Variants in SH2D3A observed in about 807,000 individuals in gnomAD.
The protein encoded by SH2D3A is SH2 domain containing 3A, also known as SH2 domain-containing protein 3A.
In SH2D3A, 46 loss-of-function variants were observed where a neutral mutation model predicts 50.6. The ratio of observed to expected loss-of-function variants is 0.91; its 90% confidence interval spans 0.72 to 1.16. The LOEUF is 1.16. Among genes scored for constraint, SH2D3A ranks in the 50% most tolerant of loss-of-function variants. SH2D3A has a pLI of 0.00. For missense variants in SH2D3A, 783 were observed against 786.2 expected (o/e 1.00, Z 0.05); for synonymous variants, 377 against 348.4 (o/e 1.08, Z -0.91).
chr19:6,761,254 G>T, intron 2 of SH2D3A: 2 of 447,540 alleles, frequency 4.5e-6, no homozygotes, highest in South Asian at 6.2e-5. Flanking sequence ...AGGGCTATGG[G>T]AAATATCCAG....
rs746412569 is a variant in SH2D3A, at chr19:6,754,656, G to A, written c.1057C>T (p.Leu353Phe). ...AACCTCAAGTGGTGTCCATGGGGAA[G>A]AGTGAGCAGCTCCAGGCCAGATGAG... ...GVSSGLELLT[L>F]PHGHHLRLEL... The change falls in exon 6 of 10, where the codon CTT becomes TTT. Residue 353 changes from leucine (L) to phenylalanine (F), a missense_variant. Leu to Phe is a conservative substitution (Grantham distance 22). Coordinates refer to ENST00000245908, the MANE Select transcript of SH2D3A (RefSeq NM_005490.3). 1.2e-6 allele frequency: 2 copies of A among 1,614,126 alleles called. No homozygotes were observed. Among genetic ancestry groups the A allele is most frequent in the African/African-American group, 1.3e-5 (1 of 74,942 alleles).
At chr19:6,755,941 T>A (rs1341017647) in intron 4 of SH2D3A, among the ~76,000 whole-genome samples, 1 of 151,192 alleles carries the variant, frequency 6.6e-6, no homozygotes, top group Admixed American at 6.6e-5. Flanking sequence ...TAGCTGGGCA[T>A]GGTGGCATGC....
chr19:6,754,046 A>T lies in SH2D3A; in HGVS notation c.1384+6T>A. Reference sequence around the variant, plus strand: ...AGGGGATGCTAAGCCCCAGACCTTCACTTACCAGCGCCCTCATCCAGAGCC... The same window carrying T: ...AGGGGATGCTAAGCCCCAGACCTTCTCTTACCAGCGCCCTCATCCAGAGCC... On this transcript the variant is annotated splice_donor_region_variant and intron_variant, in intron 8 of 9. Coordinates refer to ENST00000245908, the MANE Select transcript of SH2D3A (RefSeq NM_005490.3). The T allele has an allele frequency of 6.3e-7, 1 of 1,594,286 alleles. No individual in the cohort carries two copies. Among genetic ancestry groups the T allele is most frequent in the Non-Finnish European group, 8.6e-7 (1 of 1,169,334 alleles).
At position 6,755,254 on chromosome 19, in the gene SH2D3A, C is replaced by T. The variant is rs778860350; in HGVS notation, c.558G>A (p.Lys186=). The change falls in exon 5 of 10, where the codon AAG becomes AAA. Residue 186 remains lysine (K), a synonymous_variant. Transcript: ENST00000245908. The part of the protein sequence containing the change: ...PRTSSDPVLL[K]APAPLGTVAD... The stretch of plus-strand genomic sequence containing the variant: ...CAACAGTTCCCAGGGGAGCAGGGGC[C>T]TTCAGCAACACCGGGTCACTGCTCG... The T allele has an allele frequency of 1.3e-6, 2 of 1,529,344 alleles. No individual in the cohort carries two copies. Among genetic ancestry groups the T allele is most frequent in the South Asian group, 1.3e-5 (1 of 77,820 alleles). The allele number at this position is 1,529,344 out of a possible 1,614,324, so 94.7% of individuals were successfully genotyped here. A position where few individuals can be genotyped will look rare whatever the true frequency, so the allele number is the denominator to read the frequency against.
intron 3 of SH2D3A, among the ~76,000 whole-genome samples, chr19:6,760,179 A>G (rs1256954823): frequency 6.6e-6 from 1 of 152,128 alleles, no homozygotes; most frequent in African/African-American, 2.4e-5. Flanking sequence ...GTTTGAGACC[A>G]GCCTGGCCAA....
intron 4 of SH2D3A, among the ~76,000 whole-genome samples, chr19:6,755,985 G>A (rs1969644633): frequency 6.6e-6 from 1 of 150,868 alleles, no homozygotes; most frequent in South Asian, 2.1e-4. Flanking sequence ...AGGCAGAGGT[G>A]GGAGGATCAC....
intron 2 of SH2D3A, chr19:6,761,245 G>A: frequency 2.1e-6 from 1 of 475,956 alleles, no homozygotes; most frequent in Non-Finnish European, 3.8e-6. Flanking sequence ...TGGGGTAGAA[G>A]GGCTATGGGA....
intron 2 of SH2D3A, among the ~76,000 whole-genome samples, chr19:6,761,909 A>G (rs1170336691): frequency 6.7e-6 from 1 of 149,634 alleles, no homozygotes; most frequent in African/African-American, 2.5e-5. Context: ...AGATGGAGCC[A>G]TTGCACTCCA....
rs546908273 is a variant in SH2D3A, at chr19:6,752,269, G to C, written c.*324C>G. On this transcript the variant is annotated 3_prime_UTR_variant, in exon 10 of 10. Transcript: ENST00000245908. ...TGGCCTCAAGCCTTCCTTCCGCCTC[G>C]GCCTCCCAAAGTGCTGAGATTACAG... 3 of 262,518 alleles carry C rather than the reference G, an allele frequency of 1.1e-5. No individual in the cohort carries two copies. The highest frequency in any genetic ancestry group is 5.4e-5 in the Admixed American group (1 of 18,554). The allele number at this position is 262,518 out of a possible 1,614,324, so 16.3% of individuals were successfully genotyped here.
chr19:6,754,555 A>T, intron 6 of SH2D3A, 61 bp downstream of exon 6: 1 of 1,607,082 alleles, frequency 6.2e-7, no homozygotes, highest in Non-Finnish European at 8.5e-7. Context: ...AGCTGTTTGG[A>T]GATCTTGGGA....
chr19:6,754,663 C>G lies in SH2D3A; in HGVS notation c.1050G>C (p.Leu350=), dbSNP rs1234231992. ...GNMGVSSGLE[L]LTLPHGHHLR... The stretch of plus-strand genomic sequence containing the variant: ...AGTGGTGTCCATGGGGAAGAGTGAG[C>G]AGCTCCAGGCCAGATGAGACTCCCA... Residue 350 remains leucine, a synonymous_variant, in exon 6 of 10, where the codon CTG becomes CTC. Coordinates refer to ENST00000245908, the MANE Select transcript of SH2D3A (RefSeq NM_005490.3). 1.2e-6 allele frequency: 2 copies of G among 1,614,222 alleles called. No homozygotes were observed. Among genetic ancestry groups the G allele is most frequent in the South Asian group, 2.2e-5 (2 of 91,086 alleles).
chr19:6,757,194 A>T (rs1204649010), intron 4 of SH2D3A: 2 of 148,022 alleles, frequency 1.4e-5, no homozygotes, highest in Admixed American at 1.3e-4. Flanking sequence ...GACTTTTGGG[A>T]GACTGTATTT....
intron 1 of SH2D3A, among the ~76,000 whole-genome samples, chr19:6,766,719 G>A (rs1218390042): frequency 6.6e-6 from 1 of 152,198 alleles, no homozygotes; most frequent in Non-Finnish European, 1.5e-5. Context: ...GGCTGCGCAA[G>A]ACAGACTGCA....
At chr19:6,753,410 G>A (rs1163490026) in intron 9 of SH2D3A, 46 bp downstream of exon 9, 15 of 1,429,340 alleles carry the variant, frequency 1.0e-5, no homozygotes, top group African/African-American at 4.3e-5. Flanking sequence ...GTTAGAACCT[G>A]CAGGGTGCTC....
At chr19:6,766,056 G>A (rs373366194) in intron 1 of SH2D3A, among the ~76,000 whole-genome samples, 3 of 152,258 alleles carry the variant, frequency 2.0e-5, no homozygotes, top group Admixed American at 2.0e-4. Context: ...AAAGTCTTCT[G>A]GTGGGGTCTG....
At chr19:6,752,850 C>T in intron 9 of SH2D3A, 97 bp from the exon 10 acceptor site, 3 of 1,423,860 alleles carry the variant, frequency 2.1e-6, no homozygotes, top group South Asian at 1.5e-5. Context: ...GGACTTTGAC[C>T]CAACAGGGGC....
chr19:6,754,670 AGG>A lies in SH2D3A; in HGVS notation c.1041_1042del (p.Leu348GlyfsTer99). ...TCCATGGGGAAGAGTGAGCAGCTCC[AGG>A]CCAGATGAGACTCCCATGTTGCCCC... On this transcript the variant is annotated frameshift_variant, in exon 6 of 10. Coordinates refer to ENST00000245908, the MANE Select transcript of SH2D3A (RefSeq NM_005490.3). LOFTEE classifies it high-confidence loss of function. 1 of 1,614,210 alleles carries A rather than the reference AGG, an allele frequency of 6.2e-7. No homozygotes were observed. Among genetic ancestry groups the A allele is most frequent in the East Asian group, 2.2e-5 (1 of 44,880 alleles).
At position 6,760,840 on chromosome 19, in the gene SH2D3A, G is replaced by C. The variant is rs1267708928; in HGVS notation, c.217C>G (p.Arg73Gly). 4 of 1,614,244 alleles carry C rather than the reference G, an allele frequency of 2.5e-6. No homozygotes were observed. The highest frequency in any genetic ancestry group is 1.1e-5 in the South Asian group (1 of 91,088). ...TCCAGTTGAAAGAGGGCTGTGGGTC[G>C]GCCTGGCCGGGGACGCAGGGCCACA... ...FRVALRPRPG[R>G]PTALFQLEDE... Residue 73 changes from arginine (R) to glycine (G), a missense_variant, in exon 3 of 10, where the codon CGA (arginine) becomes GGA (glycine). Coordinates refer to ENST00000245908, the MANE Select transcript of SH2D3A (RefSeq NM_005490.3).
intron 1 of SH2D3A, among the ~76,000 whole-genome samples, chr19:6,765,616 C>T (rs1453644180): frequency 2.0e-5 from 3 of 151,740 alleles, no homozygotes; most frequent in Non-Finnish European, 4.4e-5. Context: ...GGCATGGTGG[C>T]GTGTGCCTGT....
Sources: allele counts gnomAD v4.1 joint callset (sites outside exome capture counted in the v4.1 genomes callset), GRCh38; gene constraint gnomAD v4.1.1; transcripts MANE v1.5; gene names NCBI Gene and HGNC (gene_info 2026-07-23, HGNC 2026-07-21).